The following PCDH11X variants were observed in gnomAD, a reference collection of about 807,000 sequenced individuals.
PCDH11X encodes the protein protocadherin 11 X-linked.
A neutral mutation model predicts 53.3 loss-of-function variants in PCDH11X; 18 were observed. That is an observed-to-expected ratio of 0.34 (90% CI 0.23 to 0.50). The LOEUF (loss-of-function observed/expected upper bound fraction) is 0.50, where lower values mean the gene tolerates loss of function less well. Ranked by LOEUF, PCDH11X falls within the 20% of genes least tolerant of loss-of-function variation. The pLI is 0.98. For synonymous variants in PCDH11X, 279 were observed against 393.3 expected (o/e 0.71, Z 3.44); for missense variants, 570 against 1,032.4 (o/e 0.55, Z 6.14).
rs765831958 is a variant in PCDH11X at position 91,942,578 on chromosome X, CAAAGG to C, written c.3033+63307_3033+63311del. On this transcript the variant is annotated intron_variant, in intron 6 of 10. Coordinates refer to ENST00000682573, the MANE Select transcript of PCDH11X (RefSeq NM_032968.5). ...GAATTCCTTGTTTAAAACCTTCCCA[CAAAGG>C]AGACGGCAAGCCCATATGGCTTCAC... Among the ~76,000 whole-genome samples, 85 of 110,733 alleles carry C rather than the reference CAAAGG, an allele frequency of 7.7e-4. 1 individual carries two copies. In the East Asian group the frequency reaches 0.019, roughly 25 times the overall value.
At chrX:92,516,496 T>C (rs747147773) in intron 10 of PCDH11X, among the ~76,000 whole-genome samples, 2 of 112,150 alleles carry the variant, frequency 1.8e-5, no homozygotes, top group Admixed American at 1.9e-4. Flanking sequence ...GAAAAATGCT[T>C]TCTAGTTCAC....
intron 10 of PCDH11X, among the ~76,000 whole-genome samples, chrX:92,581,433 C>T (rs1602381254): frequency 9.0e-6 from 1 of 111,406 alleles, no homozygotes; most frequent in East Asian, 2.8e-4. Context: ...ATAAGTCTCA[C>T]GAGATCTGAT....
At chrX:92,059,166 C>G (rs1000802065) in intron 6 of PCDH11X, among the ~76,000 whole-genome samples, 27 of 106,725 alleles carry the variant, frequency 2.5e-4, no homozygotes, top group African/African-American at 9.2e-4. Context: ...AGCAAAAGGG[C>G]TGATAAAAAG....
intron 8 of PCDH11X, among the ~76,000 whole-genome samples, chrX:92,348,550 T>TA (rs2069963532): frequency 9.9e-6 from 1 of 101,343 alleles, no homozygotes; most frequent in Admixed American, 1.1e-4. Flanking sequence ...TTATTATTAT[T>TA]TTTGAGACGG....
intron 6 of PCDH11X, among the ~76,000 whole-genome samples, chrX:91,988,286 A>G (rs1905941090): frequency 9.3e-6 from 1 of 107,653 alleles, no homozygotes; most frequent in Non-Finnish European, 1.9e-5. Flanking sequence ...TTTTTCCCAT[A>G]TCTAGTCCTC....
At chrX:92,309,603 T>G (rs1358730173) in intron 8 of PCDH11X, among the ~76,000 whole-genome samples, 5 of 112,081 alleles carry the variant, frequency 4.5e-5, no homozygotes, top group African/African-American at 1.3e-4. Context: ...ACAATGTGCA[T>G]GTACTTAATG....
At chrX:92,502,274 T>C (rs2148696858) in intron 10 of PCDH11X, among the ~76,000 whole-genome samples, 1 of 110,332 alleles carries the variant, frequency 9.1e-6, no homozygotes, top group East Asian at 2.9e-4. Context: ...GAATCACTAT[T>C]GTAAAAATGG....
intron 4 of PCDH11X, among the ~76,000 whole-genome samples, chrX:91,832,832 G>T (rs890979204): frequency 3.6e-5 from 4 of 110,372 alleles, no homozygotes; most frequent in Non-Finnish European, 5.7e-5. Context: ...GGAATTCAAG[G>T]TTGTTTTATC....
intron 9 of PCDH11X, among the ~76,000 whole-genome samples, chrX:92,450,532 C>T (rs1165728804): frequency 3.7e-5 from 4 of 107,477 alleles, no homozygotes; most frequent in Admixed American, 1.0e-4. Flanking sequence ...ATGTAGTGTC[C>T]GGTTTTTGTT....
intron 7 of PCDH11X, among the ~76,000 whole-genome samples, chrX:92,218,527 A>G (rs2066776148): frequency 9.1e-6 from 1 of 110,495 alleles, no homozygotes; most frequent in African/African-American, 3.3e-5. Context: ...TAGACCAATA[A>G]CAGGCTCTGA....
chrX:92,343,533 G>A (rs1294961878), intron 8 of PCDH11X, among the ~76,000 whole-genome samples: 2 of 109,767 alleles, frequency 1.8e-5, no homozygotes, highest in Non-Finnish European at 3.8e-5. Context: ...CACATAAAAT[G>A]TTTTATATAA....
intron 5 of PCDH11X, among the ~76,000 whole-genome samples, chrX:91,841,739 A>G (rs1240813214): frequency 1.8e-5 from 2 of 108,420 alleles, no homozygotes; most frequent in African/African-American, 6.7e-5. Flanking sequence ...AAATATCCCA[A>G]TGTGGGTAGT....
intron 4 of PCDH11X, among the ~76,000 whole-genome samples, chrX:91,827,905 T>C (rs1286618376): frequency 9.3e-6 from 1 of 107,606 alleles, no homozygotes; most frequent in African/African-American, 3.4e-5. Context: ...TTGCTTAGGA[T>C]TGCCTTGACT....
chrX:91,948,728 G>A (rs1205461004), intron 6 of PCDH11X, among the ~76,000 whole-genome samples: 1 of 110,079 alleles, frequency 9.1e-6, no homozygotes, highest in Non-Finnish European at 1.9e-5. Context: ...GATTGGGCTT[G>A]ACTCTGATTC....
intron 6 of PCDH11X, among the ~76,000 whole-genome samples, chrX:92,001,763 C>G (rs1431915460): frequency 9.0e-6 from 1 of 111,410 alleles, no homozygotes; most frequent in African/African-American, 3.3e-5. Flanking sequence ...CCACCACGCC[C>G]AGCCCTGTTT....
chrX:92,532,742 T>G (rs1235759536), intron 10 of PCDH11X, among the ~76,000 whole-genome samples: 6 of 108,764 alleles, frequency 5.5e-5, no homozygotes, highest in Non-Finnish European at 1.1e-4. Flanking sequence ...CCTTTTCACA[T>G]GCTGATAAAG....
intron 6 of PCDH11X, among the ~76,000 whole-genome samples, chrX:92,110,038 T>C (rs1427105731): frequency 1.8e-5 from 2 of 112,524 alleles, no homozygotes; most frequent in Admixed American, 1.9e-4. Context: ...AGTTAATCTT[T>C]TCTTTAAGTT....
intron 9 of PCDH11X, among the ~76,000 whole-genome samples, chrX:92,465,497 T>G (rs1029469592): frequency 2.7e-5 from 3 of 112,020 alleles, no homozygotes; most frequent in African/African-American, 9.7e-5. Context: ...TGTTACTTCT[T>G]TATTGAAGTA....
chrX:92,249,004 A>G (rs903587535), intron 7 of PCDH11X, among the ~76,000 whole-genome samples: 1 of 111,376 alleles, frequency 9.0e-6, no homozygotes. Context: ...GTGCCCGGCC[A>G]GTAATTCTCC....
Sources: gnomAD v4.1 joint callset for allele counts (sites outside exome capture counted in the v4.1 genomes callset) on GRCh38, gnomAD v4.1.1 for gene constraint, MANE v1.5 for transcripts, NCBI Gene and HGNC (gene_info 2026-07-23, HGNC 2026-07-21) for gene names.